Variants in LOXL4 observed in about 807,000 individuals in gnomAD.
The protein encoded by LOXL4 is lysyl oxidase like 4, also known as lysyl oxidase homolog 4.
LOXL4 carries 72 observed loss-of-function variants against 89.1 expected under a neutral mutation model. That is an observed-to-expected ratio of 0.81 (90% CI 0.67 to 0.98). LOXL4 has a LOEUF of 0.98. LOXL4 is among the 50% of genes least tolerant of loss of function. The pLI is 0.00. For synonymous variants in LOXL4, 355 were observed against 392.1 expected (o/e 0.91, Z 1.12); for missense variants, 984 against 1,017.5 (o/e 0.97, Z 0.45).
rs193028079 is a variant in LOXL4 at position 98,256,452 on chromosome 10, A to G, written c.1428+328T>C. On this transcript the variant is annotated intron_variant, in intron 9 of 14. Coordinates refer to ENST00000260702, the MANE Select transcript of LOXL4 (RefSeq NM_032211.7). The stretch of plus-strand genomic sequence containing the variant: ...ACTCTCGAGAGAGAGCCACACTACA[A>G]TCCCTGGCCCTGATTTCCTCAGCTG... 2.0e-3 allele frequency: 743 copies of G among 367,400 alleles called. 19 individuals are homozygous for G. The highest frequency in any genetic ancestry group is 0.02 in the South Asian group (645 of 32,194). 22.8% of individuals were successfully genotyped at this position (367,400 alleles called of 1,614,324 possible). A position where few individuals can be genotyped will look rare whatever the true frequency, so the allele number is the denominator to read the frequency against.
chr10:98,261,673 G>A (rs1056497422), intron 3 of LOXL4, among the ~76,000 whole-genome samples: 5 of 152,366 alleles, frequency 3.3e-5, no homozygotes, highest in Admixed American at 6.5e-5. Flanking sequence ...TGCCCTGCCC[G>A]CTCCTGTTGT....
In LOXL4 at chr10:98,248,691, G is replaced by A; in HGVS notation, c.*230C>T. The A allele has an allele frequency of 4.1e-6, 2 of 491,656 alleles. No individual in the cohort carries two copies. The highest frequency in any genetic ancestry group is 5.8e-5 in the South Asian group (2 of 34,226). The allele number at this position is 491,656 out of a possible 1,614,324, so 30.5% of individuals were successfully genotyped here. A position where few individuals can be genotyped will look rare whatever the true frequency, so the allele number is the denominator to read the frequency against. On this transcript the variant is annotated 3_prime_UTR_variant, in exon 15 of 15. Transcript: ENST00000260702. ...GAGGAGCTCAGCTGAGCAAAGCCTG[G>A]AGGACATATTCCATAGGCCACAGGC...
At position 98,262,799 on chromosome 10, in the gene LOXL4, AGCTGGCG is replaced by A; in HGVS notation, c.214_220del (p.Arg72TrpfsTer7). The A allele has an allele frequency of 1.2e-6, 2 of 1,613,442 alleles. No individual in the cohort carries two copies. The highest frequency in any genetic ancestry group is 4.5e-5 in the East Asian group (2 of 44,876). ...CCAGGTCAAGGCAGCTTCGAAGCCC[AGCTGGCG>A]GCAAGCCACTGTGGCCTCCTGGATA... On this transcript the variant is annotated frameshift_variant, in exon 2 of 15. Transcript: ENST00000260702. LOFTEE classifies it high-confidence loss of function.
intron 2 of LOXL4, 76 bp from the exon 3 acceptor site, chr10:98,262,289 C>T: frequency 1.3e-6 from 2 of 1,495,752 alleles, no homozygotes; most frequent in Non-Finnish European, 1.8e-6. Context: ...TAGGACCCCA[C>T]ACTTACCAAG....
chr10:98,261,146 C>T lies in LOXL4; in HGVS notation c.457-19G>A, dbSNP rs773512540. 2.4e-5 allele frequency: 39 copies of T among 1,606,854 alleles called. No individual in the cohort carries two copies. Among genetic ancestry groups the T allele is most frequent in the Non-Finnish European group, 3.2e-5 (38 of 1,179,076 alleles). Reference sequence around the variant, plus strand: ...GCCGGCCCTGCGGGGTGCACAGTCACCTGTGGGCCTCGGGGCTCCTGCTCC... The same window carrying T: ...GCCGGCCCTGCGGGGTGCACAGTCATCTGTGGGCCTCGGGGCTCCTGCTCC... On this transcript the variant is annotated intron_variant, in intron 3 of 14. Transcript: ENST00000260702.
chr10:98,257,590 T>C, intron 8 of LOXL4, 60 bp downstream of exon 8: 1 of 1,571,084 alleles, frequency 6.4e-7, no homozygotes, highest in South Asian at 1.2e-5. Context: ...TGTGGTGTCC[T>C]GGGGACTCCC....
At chr10:98,261,185 G>T in intron 3 of LOXL4, 58 bp from the exon 4 acceptor site, 1 of 1,546,644 alleles carries the variant, frequency 6.5e-7, no homozygotes. Context: ...AGTGGAGCCT[G>T]CTGCAGATCT....
At chr10:98,251,025 G>T in intron 14 of LOXL4, 40 bp downstream of exon 14, 1 of 1,444,408 alleles carries the variant, frequency 6.9e-7, no homozygotes, top group Non-Finnish European at 9.7e-7. Context: ...CCAGCTCCCT[G>T]AGCCTATAGA....
intron 9 of LOXL4, 61 bp from the exon 10 acceptor site, chr10:98,255,800 T>A: frequency 1.3e-6 from 2 of 1,561,338 alleles, no homozygotes; most frequent in East Asian, 4.6e-5. Context: ...CTGACTCCCA[T>A]CTGAGGTGTG....
Position 98,262,965 on chromosome 10 carries a change from G to T in LOXL4, c.55C>A (p.Pro19Thr), listed in dbSNP as rs1462939827. Residue 19 changes from proline to threonine, a missense_variant, in exon 2 of 15, where the codon CCC becomes ACC. Physicochemically the swap from Pro to Thr is conservative, Grantham distance 38. Transcript: ENST00000260702. ...AGTGACTGTGGCCTGCTGGGAGGGG[G>T]CTGGCCTAGCAGCAGCAGGAACAGA... Reference protein sequence around the residue: ...LFLFLLLLGQPPPSRPQSLGT... With the variant: ...LFLFLLLLGQTPPSRPQSLGT... The T allele has an allele frequency of 1.9e-6, 3 of 1,613,754 alleles. No individual in the cohort carries two copies. Among genetic ancestry groups the T allele is most frequent in the Non-Finnish European group, 2.5e-6 (3 of 1,180,016 alleles).
rs1858560428 is a variant in LOXL4, at chr10:98,262,146, A to G, written c.345T>C (p.Asn115=). 1 of 1,613,672 alleles carries G rather than the reference A, an allele frequency of 6.2e-7. No individual in the cohort carries two copies. Among genetic ancestry groups the G allele is most frequent in the Non-Finnish European group, 8.5e-7 (1 of 1,179,986 alleles). The change falls in exon 3 of 15, where the codon AAT becomes AAC. Residue 115 remains asparagine, a synonymous_variant. Transcript: ENST00000260702. Reference sequence around the variant, plus strand: ...GACTGCAGTCACTGACTCCCCAGCCATTAGACCCGCACTGGTCCAAGGAGC... The same window carrying G: ...GACTGCAGTCACTGACTCCCCAGCCGTTAGACCCGCACTGGTCCAAGGAGC... ...TESSLDQCGS[N]GWGVSDCSHS...
Position 98,251,577 on chromosome 10 carries a change from A to T in LOXL4, c.2077T>A (p.Tyr693Asn), listed in dbSNP as rs761880218. ...VDITDVGPGN[Y>N]IFQVIVNPHY... ...CCCAGCCGCCTTACCTGGAAGATAT[A>T]ATTCCCGGGGCCCACATCTGTGATA... The change falls in exon 13 of 15, where the codon TAT becomes AAT. Residue 693 changes from tyrosine (Y) to asparagine (N), a missense_variant. Physicochemically the swap from Tyr to Asn is moderately radical, Grantham distance 143. Transcript: ENST00000260702. 6.2e-7 allele frequency: 1 copy of T among 1,614,126 alleles called. No individual in the cohort carries two copies. Among genetic ancestry groups the T allele is most frequent in the Non-Finnish European group, 8.5e-7 (1 of 1,180,008 alleles).
intron 1 of LOXL4, among the ~76,000 whole-genome samples, chr10:98,267,542 C>T (rs1858711368): frequency 6.6e-6 from 1 of 152,134 alleles, no homozygotes; most frequent in Non-Finnish European, 1.5e-5. Context: ...CAGCTCTTCT[C>T]AGCAGCCTCC....
At chr10:98,266,389 G>A (rs1387179543) in intron 1 of LOXL4, among the ~76,000 whole-genome samples, 3 of 152,130 alleles carry the variant, frequency 2.0e-5, no homozygotes, top group Admixed American at 2.0e-4. Flanking sequence ...TGCTCTGATG[G>A]GGCCCAGGGT....
intron 1 of LOXL4, among the ~76,000 whole-genome samples, chr10:98,266,736 C>G (rs1858696461): frequency 6.6e-6 from 1 of 152,164 alleles, no homozygotes; most frequent in African/African-American, 2.4e-5. Flanking sequence ...AGCCTTTGCT[C>G]TCACTGTTCC....
intron 3 of LOXL4, 86 bp from the exon 4 acceptor site, chr10:98,261,213 G>A (rs946367804): frequency 3.2e-5 from 46 of 1,443,982 alleles, no homozygotes; most frequent in Non-Finnish European, 4.1e-5. Context: ...GAAAGGCTGG[G>A]GCTTGGAGCT....
At position 98,256,932 on chromosome 10, in the gene LOXL4, C is replaced by T. The variant is rs1858384641; in HGVS notation, c.1276G>A (p.Gly426Arg). ...AATAGCCCCTCCTCAGGGATACGCC[C>T]ACCAGCCAAGCGCACCTGCAATGGC... ...GFQNQVRLAGGRIPEEGLLEV... is the reference protein window; with the variant it reads ...GFQNQVRLAGRRIPEEGLLEV... Residue 426 changes from glycine to arginine, a missense_variant, in exon 9 of 15, where the codon GGG becomes AGG. By Grantham distance (125) the Gly-to-Arg change is moderately radical (BLOSUM62 -2). Transcript: ENST00000260702. The T allele has an allele frequency of 6.2e-7, 1 of 1,614,088 alleles. No homozygotes were observed. The highest frequency in any genetic ancestry group is 1.1e-5 in the South Asian group (1 of 91,070).
Position 98,265,528 on chromosome 10 carries a change from C to A in LOXL4, c.-32-2477G>T, listed in dbSNP as rs1226886478. ...AAGTGATTATCTTGCCTTAGCCTCC[C>A]AAGTAGCTGGGATTACAGGCATGCG... On this transcript the variant is annotated intron_variant, in intron 1 of 14. Transcript: ENST00000260702. Among the ~76,000 whole-genome samples, 2 of 129,590 alleles carry A rather than the reference C, an allele frequency of 1.5e-5. 1 individual carries two copies. Among genetic ancestry groups the A allele is most frequent in the Non-Finnish European group, 3.4e-5 (2 of 58,034 alleles). 85.0% of individuals were successfully genotyped at this position (129,590 alleles called of 152,430 possible).
intron 14 of LOXL4, 28 bp from the exon 15 acceptor site, chr10:98,249,019 A>G: frequency 6.3e-7 from 1 of 1,589,150 alleles, no homozygotes; most frequent in Non-Finnish European, 8.6e-7. Context: ...ACAGGTAAGT[A>G]GCCAACCTTT....
Sources: allele counts gnomAD v4.1 joint callset (sites outside exome capture counted in the v4.1 genomes callset), GRCh38; gene constraint gnomAD v4.1.1; transcripts MANE v1.5; gene names NCBI Gene and HGNC (gene_info 2026-07-23, HGNC 2026-07-21).